Variants in KGD4 observed in about 807,000 individuals in gnomAD.
KGD4 encodes the protein alpha-ketoglutarate dehydrogenase component 4.
At chr5:69,223,891 G>A in the KGD4 span, among the ~76,000 whole-genome samples, 3 of 151,658 alleles carry the variant, frequency 2.0e-5, no homozygotes, top group African/African-American at 7.3e-5. Flanking sequence ...AAATTAGCCG[G>A]GTGTGGTGGC....
chr5:69,222,395 A>C, the KGD4 span, among the ~76,000 whole-genome samples: 1 of 152,160 alleles, frequency 6.6e-6, no homozygotes, highest in South Asian at 2.1e-4. Context: ...GAGGATAAAT[A>C]GGATGAATTG....
the KGD4 span, among the ~76,000 whole-genome samples, chr5:69,223,031 C>G: frequency 2.9e-5 from 4 of 140,158 alleles, no homozygotes; most frequent in South Asian, 9.2e-4. Flanking sequence ...CCGCCTTGGC[C>G]TCTCAAAGTG....
the KGD4 span, among the ~76,000 whole-genome samples, chr5:69,224,286 G>A: frequency 1.3e-5 from 2 of 151,940 alleles, no homozygotes; most frequent in East Asian, 3.9e-4. Flanking sequence ...GGCTACTCAG[G>A]AGGCTGAGGC....
chr5:69,218,203 G>A, the KGD4 span: 6 of 350,822 alleles, frequency 1.7e-5, no homozygotes, highest in Non-Finnish European at 3.1e-5. Flanking sequence ...CCTGGCGGTA[G>A]CCTGGCCAAT....
At chr5:69,225,801 GA>G in the KGD4 span, among the ~76,000 whole-genome samples, 2 of 152,076 alleles carry the variant, frequency 1.3e-5, no homozygotes, top group Admixed American at 6.6e-5. Context: ...GGCTGGTCTT[GA>G]ACTCCTGACC....
chr5:69,226,595 C>T, the KGD4 span, among the ~76,000 whole-genome samples: 1 of 152,122 alleles, frequency 6.6e-6, no homozygotes, highest in East Asian at 1.9e-4. Context: ...GCCTGTCATC[C>T]CAGCACTTTG....
At chr5:69,228,065 T>C in the KGD4 span, 2 of 677,698 alleles carry the variant, frequency 3.0e-6, no homozygotes. Context: ...CCTTTTGGAA[T>C]TATAATACTT....
At chr5:69,223,201 C>G in the KGD4 span, among the ~76,000 whole-genome samples, 3 of 150,950 alleles carry the variant, frequency 2.0e-5, no homozygotes, top group East Asian at 2.0e-4. Context: ...GCCTCAGCCT[C>G]CCGAGTACCT....
At chr5:69,225,959 G>GCACT in the KGD4 span, among the ~76,000 whole-genome samples, 2 of 152,152 alleles carry the variant, frequency 1.3e-5, no homozygotes, top group Non-Finnish European at 2.9e-5. Flanking sequence ...TCAAACTCCT[G>GCACT]CACTCACGCA....
chr5:69,225,363 A>C, the KGD4 span, among the ~76,000 whole-genome samples: 2 of 147,066 alleles, frequency 1.4e-5, no homozygotes, highest in Non-Finnish European at 3.0e-5. Flanking sequence ...TCCTGCGTTC[A>C]AGCGATTCTC....
the KGD4 span, among the ~76,000 whole-genome samples, chr5:69,225,183 C>T: frequency 6.6e-6 from 1 of 151,384 alleles, no homozygotes; most frequent in East Asian, 2.0e-4. Context: ...GAGCTCACTG[C>T]AACCTCTGCC....
chr5:69,220,753 A>G, the KGD4 span, among the ~76,000 whole-genome samples: 1 of 152,102 alleles, frequency 6.6e-6, no homozygotes, highest in African/African-American at 2.4e-5. Flanking sequence ...AAAGGGGGAA[A>G]TGTGGGGAAA....
At chr5:69,221,142 C>G in the KGD4 span, among the ~76,000 whole-genome samples, 1 of 151,438 alleles carries the variant, frequency 6.6e-6, no homozygotes, top group African/African-American at 2.4e-5. Context: ...TATGACCCTG[C>G]CACATCCCCC....
chr5:69,227,401 T>G, the KGD4 span, among the ~76,000 whole-genome samples: 1 of 152,188 alleles, frequency 6.6e-6, no homozygotes, highest in South Asian at 2.1e-4. Context: ...TCAGTAAATA[T>G]TTTTTGGATT....
chr5:69,228,572 T>A, the KGD4 span, among the ~76,000 whole-genome samples: 1 of 152,218 alleles, frequency 6.6e-6, no homozygotes. Flanking sequence ...TCTGTAAATA[T>A]GCATGATATA....
chr5:69,218,639 T>C, the KGD4 span, among the ~76,000 whole-genome samples: 3 of 152,192 alleles, frequency 2.0e-5, no homozygotes, highest in Non-Finnish European at 4.4e-5. Context: ...TTAGGTAAAA[T>C]TATTATATAA....
the KGD4 span, among the ~76,000 whole-genome samples, chr5:69,224,757 T>C: frequency 3.9e-5 from 6 of 152,038 alleles, no homozygotes; most frequent in East Asian, 1.2e-3. Context: ...AGCCAGACGC[T>C]GTCTCAACAA....
the KGD4 span, among the ~76,000 whole-genome samples, chr5:69,221,253 G>C: frequency 6.6e-6 from 1 of 151,696 alleles, no homozygotes; most frequent in Non-Finnish European, 1.5e-5. Context: ...TGTAGTCCTA[G>C]CTACTTAGGA....
chr5:69,230,054 T>C, the KGD4 span: 2 of 151,868 alleles, frequency 1.3e-5, no homozygotes, highest in African/African-American at 4.8e-5. Flanking sequence ...TATTTACTTA[T>C]TAAGCAGTTT....
Sources: allele counts gnomAD v4.1 joint callset (sites outside exome capture counted in the v4.1 genomes callset), GRCh38; gene constraint gnomAD v4.1.1; transcripts MANE v1.5; gene names NCBI Gene and HGNC (gene_info 2026-07-23, HGNC 2026-07-21).